PRKN: variants seen among roughly 807,000 people sequenced by gnomAD.
PRKN encodes the protein E3 ubiquitin-protein ligase parkin.
A neutral mutation model predicts 59.5 loss-of-function variants in PRKN; 56 were observed. The observed-to-expected ratio is 0.94, with a 90% CI of 0.76 to 1.18. The LOEUF (loss-of-function observed/expected upper bound fraction) is 1.18. Ranked by LOEUF, PRKN falls within the 50% of genes most tolerant of loss-of-function variation. PRKN has a pLI of 0.00. For missense variants in PRKN, 657 were observed against 596.4 expected (o/e 1.10, Z -1.06); for synonymous variants, 250 against 222.1 (o/e 1.13, Z -1.12).
At chr6:161,776,902 T>C (rs1789948722) in intron 7 of PRKN, among the ~76,000 whole-genome samples, 1 of 152,218 alleles carries the variant, frequency 6.6e-6, no homozygotes, top group Non-Finnish European at 1.5e-5. Flanking sequence ...TTCTACCTTA[T>C]AGTTGTTTTA....
At chr6:162,658,207 T>C (rs1267793530) in intron 1 of PRKN, among the ~76,000 whole-genome samples, 1 of 152,200 alleles carries the variant, frequency 6.6e-6, no homozygotes, top group Non-Finnish European at 1.5e-5. Context: ...TTAAAGAAGT[T>C]TGTACTGAGC....
At chr6:162,315,273 T>C (rs1782704073) in intron 2 of PRKN, among the ~76,000 whole-genome samples, 2 of 152,196 alleles carry the variant, frequency 1.3e-5, no homozygotes, top group Admixed American at 6.6e-5. Context: ...TTTTTCAATA[T>C]AAGCAACTAG....
At chr6:162,274,176 T>TATTAATTA (rs1780508890) in intron 2 of PRKN, among the ~76,000 whole-genome samples, 1 of 148,432 alleles carries the variant, frequency 6.7e-6, no homozygotes, top group East Asian at 1.9e-4. Flanking sequence ...TTTATTAATT[T>TATTAATTA]ATTAATGTAT....
rs112801879 is a variant in PRKN, at chr6:161,954,142, C to A, written c.734+19160G>T. On this transcript the variant is annotated intron_variant, in intron 6 of 11. Coordinates refer to ENST00000366898, the MANE Select transcript of PRKN (RefSeq NM_004562.3). ...AGTTGGGTAAGGCTTCCAGCAGATGCGACTTGGTTGATAGGAATCTCAGCC... is the reference window on the plus strand; with the variant it reads ...AGTTGGGTAAGGCTTCCAGCAGATGAGACTTGGTTGATAGGAATCTCAGCC... Among the ~76,000 whole-genome samples the A allele has an allele frequency of 6.9e-3, 1,048 of 152,210 alleles. 13 individuals are homozygous for A. The highest frequency in any genetic ancestry group is 0.024 in the African/African-American group (1,012 of 41,522).
chr6:162,066,712 T>TGA (rs1274198393), intron 4 of PRKN, among the ~76,000 whole-genome samples: 1 of 152,208 alleles, frequency 6.6e-6, no homozygotes, highest in Non-Finnish European at 1.5e-5. Context: ...TCCAGAATTG[T>TGA]GAGAAATAGA....
At chr6:161,827,393 G>A (rs1026147180) in intron 6 of PRKN, among the ~76,000 whole-genome samples, 6 of 152,062 alleles carry the variant, frequency 3.9e-5, no homozygotes, top group Admixed American at 1.3e-4. Context: ...ATCACTGCAG[G>A]TAGGTATTCA....
At chr6:162,066,020 G>A (rs1778322738) in intron 4 of PRKN, among the ~76,000 whole-genome samples, 1 of 152,156 alleles carries the variant, frequency 6.6e-6, no homozygotes, top group African/African-American at 2.4e-5. Context: ...GAATAGTGCT[G>A]TAATAAACAT....
At chr6:161,788,452 A>T (rs1202703740) in intron 6 of PRKN, among the ~76,000 whole-genome samples, 1 of 152,180 alleles carries the variant, frequency 6.6e-6, no homozygotes, top group Non-Finnish European at 1.5e-5. Flanking sequence ...ACAGCTGCAG[A>T]TGCGGTGGGT....
At chr6:162,162,791 C>CCT (rs879567944) in intron 4 of PRKN, among the ~76,000 whole-genome samples, 7,461 of 142,850 alleles carry the variant, frequency 0.052, 307 homozygotes, top group Middle Eastern at 0.092. Context: ...AGGCGGATCA[C>CCT]AAGGTAAGGA....
chr6:162,565,268 C>T (rs544435946), intron 1 of PRKN, among the ~76,000 whole-genome samples: 45 of 152,012 alleles, frequency 3.0e-4, no homozygotes, highest in Admixed American at 7.2e-4. Context: ...GAAACTAAAA[C>T]GTATCACCAG....
rs77559265 is a variant in PRKN at position 161,676,975 on chromosome 6, G to A, written c.872-107559C>T. ...TCTGCGGTCTTTCATCATGTTCAAG[G>A]AGAATGCACAAAACCACTCAGCTCA... On this transcript the variant is annotated intron_variant, in intron 7 of 11. Transcript: ENST00000366898. Among the ~76,000 whole-genome samples the A allele has an allele frequency of 9.3e-4, 141 of 152,288 alleles. 4 individuals are homozygous for A. The East Asian group carries it at 0.025, about 27-fold the overall frequency.
intron 1 of PRKN, among the ~76,000 whole-genome samples, chr6:162,715,842 G>A (rs150735521): frequency 4.6e-4 from 70 of 152,306 alleles, no homozygotes; most frequent in Middle Eastern, 3.4e-3. Context: ...CTGCCATCTT[G>A]CTGGGGCCAG....
chr6:161,940,281 C>A (rs1583377420), intron 6 of PRKN, among the ~76,000 whole-genome samples: 2 of 148,022 alleles, frequency 1.4e-5, no homozygotes, highest in African/African-American at 5.0e-5. Flanking sequence ...AAAAATATAG[C>A]AAAAAAAAAA....
rs1779317799 is a variant in PRKN at position 161,533,960 on chromosome 6, G to T, written c.1083+14894C>A. Among the ~76,000 whole-genome samples, 1 of 152,034 alleles carries T rather than the reference G, an allele frequency of 6.6e-6. No individual in the cohort carries two copies. Among genetic ancestry groups the T allele is most frequent in the African/African-American group, 2.4e-5 (1 of 41,398 alleles). Reference sequence around the variant, plus strand: ...TCACACGACACTCGCCGTCACAGTGGTCTCTGTGACTTCAGTGAACCCCCT... The same window carrying T: ...TCACACGACACTCGCCGTCACAGTGTTCTCTGTGACTTCAGTGAACCCCCT... On this transcript the variant is annotated intron_variant, in intron 9 of 11. Transcript: ENST00000366898. This position sits in a 1 kb window ranked among gnomAD's most constrained non-coding sequence, Gnocchi z 4.1.
rs184753661 is a variant in PRKN, at chr6:162,232,489, T to C, written c.412+30036A>G. ...ATGGCCAGTTGAATGTCAGGGAAAA[T>C]GGACCCTTTTCCTCAGAAGTGGTGG... On this transcript the variant is annotated intron_variant, in intron 3 of 11. Coordinates refer to ENST00000366898, the MANE Select transcript of PRKN (RefSeq NM_004562.3). 9.2e-5 allele frequency among the ~76,000 whole-genome samples: 14 copies of C among 152,310 alleles called. No homozygotes were observed. The East Asian group carries it at 1.7e-3, about 19-fold the overall frequency.
intron 4 of PRKN, among the ~76,000 whole-genome samples, chr6:162,061,321 TA>T (rs1456822121): frequency 2.6e-5 from 4 of 152,116 alleles, no homozygotes; most frequent in Admixed American, 6.6e-5. Flanking sequence ...CATAGAGAGT[TA>T]AAAAAATGGC....
At chr6:161,874,960 T>C (rs1192380962) in intron 6 of PRKN, among the ~76,000 whole-genome samples, 1 of 87,244 alleles carries the variant, frequency 1.1e-5, no homozygotes, top group Non-Finnish European at 1.9e-5. Flanking sequence ...GTACTTTATA[T>C]ATAATATATA....
At chr6:161,881,566 C>T (rs1278604516) in intron 6 of PRKN, among the ~76,000 whole-genome samples, 1 of 152,218 alleles carries the variant, frequency 6.6e-6, no homozygotes, top group Non-Finnish European at 1.5e-5. Flanking sequence ...ATGGGAAGAG[C>T]GTTGCAAATA....
At position 161,990,493 on chromosome 6, in the gene PRKN, A is replaced by G. The variant is rs549932167; in HGVS notation, c.619-17076T>C. On this transcript the variant is annotated intron_variant, in intron 5 of 11. Transcript: ENST00000366898. ...TGAGATATGATAGAACACAAATAAA[A>G]GATACGAAATATCAGAAAAACAATT... Among the ~76,000 whole-genome samples the G allele has an allele frequency of 3.3e-5, 5 of 152,248 alleles. No individual in the cohort carries two copies. In the South Asian group the frequency reaches 1.0e-3, roughly 31 times the overall value.
Sources: allele counts gnomAD v4.1 joint callset (sites outside exome capture counted in the v4.1 genomes callset), GRCh38; gene constraint gnomAD v4.1.1; non-coding constraint Gnocchi (gnomAD v3.1); transcripts MANE v1.5; gene names NCBI Gene and HGNC (gene_info 2026-07-23, HGNC 2026-07-21).